The following ATP10A variants were observed in gnomAD, a reference collection of about 807,000 sequenced individuals.
ATP10A encodes ATPase phospholipid transporting 10A (putative).
Under a neutral mutation model 147.8 loss-of-function variants are expected in ATP10A, and 111 were observed. The ratio of observed to expected loss-of-function variants is 0.75; its 90% CI spans 0.64 to 0.88. ATP10A has a LOEUF of 0.88. Among genes scored for constraint, ATP10A ranks in the 40% least tolerant of loss-of-function variants. The pLI is 0.00. For synonymous variants in ATP10A, 875 were observed against 841.6 expected, an observed-to-expected ratio of 1.04 and a Z score of -0.69; for missense variants, 1,927 against 1,959.0, an observed-to-expected ratio of 0.98 and a Z score of 0.31.
At chr15:25,741,297 C>T (rs533433724) in intron 2 of ATP10A, among the ~76,000 whole-genome samples, 1 of 152,256 alleles carries the variant, frequency 6.6e-6, no homozygotes, top group South Asian at 2.1e-4. Context: ...TTCTGGATCA[C>T]CCCAGAACTC....
intron 2 of ATP10A, among the ~76,000 whole-genome samples, chr15:25,757,587 G>A (rs1490317440): frequency 6.6e-6 from 1 of 152,126 alleles, no homozygotes; most frequent in Non-Finnish European, 1.5e-5. Flanking sequence ...GAAAGGAGCA[G>A]TAAATAGGAG....
At position 25,682,521 on chromosome 15, in the gene ATP10A, A is replaced by G. The variant is rs542515777; in HGVS notation, c.3492+765T>C. ...GCCACTTAATTCCACAGGACAGGAC[A>G]CACTCCCAGCGTCTTTGTCCCACAG... On this transcript the variant is annotated intron_variant, in intron 17 of 20. Coordinates refer to ENST00000555815, the MANE Select transcript of ATP10A (RefSeq NM_024490.4). 5.4e-4 allele frequency among the ~76,000 whole-genome samples: 82 copies of G among 152,218 alleles called. 1 individual carries two copies. Among genetic ancestry groups the G allele is most frequent in the African/African-American group, 1.9e-3 (79 of 41,544 alleles).
intron 2 of ATP10A, among the ~76,000 whole-genome samples, chr15:25,754,279 G>A (rs752648587): frequency 2.7e-4 from 41 of 152,058 alleles, no homozygotes; most frequent in African/African-American, 8.0e-4. Flanking sequence ...GACAACAGGC[G>A]CGTGCCACCA....
rs146222264 is a variant in ATP10A at position 25,736,353 on chromosome 15, C to A, written c.655-212G>T. Among the ~76,000 whole-genome samples the A allele has an allele frequency of 5.2e-3, 789 of 152,172 alleles. 1 individual carries two copies. Among genetic ancestry groups the A allele is most frequent in the Middle Eastern group, 0.017 (5 of 294 alleles). ...TTATAACGAGTGACAATTGGGGGAC[C>A]GGTACTGGTTACTGGTTAGTAAGTG... On this transcript the variant is annotated intron_variant, in intron 2 of 20. Transcript: ENST00000555815.
intron 1 of ATP10A, among the ~76,000 whole-genome samples, chr15:25,816,338 A>G (rs1891654009): frequency 6.6e-6 from 1 of 151,928 alleles, no homozygotes; most frequent in Admixed American, 6.6e-5. Context: ...TGCTGGGATT[A>G]CAGATGTAAG....
chr15:25,722,175 G>C (rs1184361129), intron 6 of ATP10A, among the ~76,000 whole-genome samples: 1 of 152,136 alleles, frequency 6.6e-6, no homozygotes, highest in Non-Finnish European at 1.5e-5. Context: ...CCCATGGCTT[G>C]GATAGAAGCA....
chr15:25,777,116 T>TGTGTGTGTGTGC (rs890539071), intron 2 of ATP10A, among the ~76,000 whole-genome samples: 3 of 151,834 alleles, frequency 2.0e-5, no homozygotes, highest in Admixed American at 6.6e-5. Context: ...TGTGTGTGTG[T>TGTGTGTGTGTGC]GTACCCGTTC....
At chr15:25,751,119 T>G (rs1313166271) in intron 2 of ATP10A, among the ~76,000 whole-genome samples, 2 of 152,088 alleles carry the variant, frequency 1.3e-5, no homozygotes, top group East Asian at 1.9e-4. Context: ...AAGATGCAAA[T>G]ATGTTATATA....
At chr15:25,681,849 C>A (rs564144411) in intron 17 of ATP10A, among the ~76,000 whole-genome samples, 1 of 152,178 alleles carries the variant, frequency 6.6e-6, no homozygotes, top group South Asian at 2.1e-4. Context: ...GTCAGGAGAT[C>A]GAGACCATCC....
rs1031210633 is a variant in ATP10A, at chr15:25,863,237, G to A, written c.-141C>T. 1.7e-5 allele frequency: 8 copies of A among 483,966 alleles called. No individual in the cohort carries two copies. Among genetic ancestry groups the A allele is most frequent in the African/African-American group, 2.1e-5 (1 of 47,406 alleles). The allele number at this position is 483,966 out of a possible 1,614,324, so 30.0% of individuals were successfully genotyped here. A position where few individuals can be genotyped will look rare whatever the true frequency, so the allele number is the denominator to read the frequency against. On this transcript the variant is annotated 5_prime_UTR_variant, in exon 1 of 21. Transcript: ENST00000555815. ...GCACGGAGACCGCGGTCAGCGCGCC[G>A]CCTGGCCGGCCCAGCGCGCCCAGCC...
intron 2 of ATP10A, among the ~76,000 whole-genome samples, chr15:25,758,787 TC>T (rs1351314708): frequency 7.8e-6 from 1 of 127,828 alleles, no homozygotes; most frequent in Non-Finnish European, 1.6e-5. Context: ...CCTAACTCAT[TC>T]CGACCACCTG....
intron 4 of ATP10A, among the ~76,000 whole-genome samples, chr15:25,726,929 C>A (rs1006283982): frequency 2.7e-5 from 4 of 148,240 alleles, no homozygotes; most frequent in African/African-American, 4.9e-5. Context: ...GCGTGGCGGG[C>A]GCCTGTAGTC....
chr15:25,725,144 C>T (rs964860111), intron 5 of ATP10A, among the ~76,000 whole-genome samples: 5 of 152,124 alleles, frequency 3.3e-5, no homozygotes, highest in Middle Eastern at 3.2e-3. Context: ...CACAGGAGCA[C>T]GAACCCTATT....
At chr15:25,778,812 C>T (rs1189465070) in intron 2 of ATP10A, among the ~76,000 whole-genome samples, 2 of 152,012 alleles carry the variant, frequency 1.3e-5, no homozygotes, top group African/African-American at 2.4e-5. Context: ...AAAAAGTGGG[C>T]GGGAGAGGAC....
intron 1 of ATP10A, among the ~76,000 whole-genome samples, chr15:25,808,090 C>T (rs1891277017): frequency 6.6e-6 from 1 of 152,196 alleles, no homozygotes; most frequent in African/African-American, 2.4e-5. Flanking sequence ...TCTTTGTTTT[C>T]ATGCTGGACG....
intron 2 of ATP10A, among the ~76,000 whole-genome samples, chr15:25,754,476 C>A (rs905987596): frequency 2.0e-5 from 3 of 152,112 alleles, no homozygotes; most frequent in African/African-American, 7.2e-5. Flanking sequence ...GTTATTACTG[C>A]AGGAGGGCGT....
rs1555470190 is a variant in ATP10A, at chr15:25,789,591, T to TGTGTGTGTGTGTGTGTGTGTGA, written c.450-8369_450-8368insTCACACACACACACACACACAC. 2.6e-5 allele frequency among the ~76,000 whole-genome samples: 4 copies of TGTGTGTGTGTGTGTGTGTGTGA among 151,368 alleles called. No homozygotes were observed. The South Asian group carries it at 6.3e-4, about 24-fold the overall frequency. ...GTGTGTGTGTGTGTGTGTGTGTGTG[T>TGTGTGTGTGTGTGTGTGTGTGA]GACAGAGACAGAGAGAAAATAATTT... On this transcript the variant is annotated intron_variant, in intron 1 of 20. Transcript: ENST00000555815.
At chr15:25,673,300 C>G (rs527400699), downstream of ATP10A, among the ~76,000 whole-genome samples, 1 of 152,306 alleles carries the variant, frequency 6.6e-6, no homozygotes, top group Admixed American at 6.5e-5. Flanking sequence ...CTGTCATGGA[C>G]ACTCCTTGGC....
rs552848676 is a variant in ATP10A, at chr15:25,749,457, C to T, written c.655-13316G>A. Among the ~76,000 whole-genome samples, 19 of 152,284 alleles carry T rather than the reference C, an allele frequency of 1.2e-4. No individual in the cohort carries two copies. The South Asian group carries it at 3.7e-3, about 30-fold the overall frequency. On this transcript the variant is annotated intron_variant, in intron 2 of 20. Transcript: ENST00000555815. ...GCACTGCTAGGGAACTTAGGAAAGT[C>T]TTGCCTCAGGAGTGGAGAACAATTA... is the stretch of plus-strand genomic sequence containing the variant.
Sources: gnomAD v4.1 joint callset for allele counts (sites outside exome capture counted in the v4.1 genomes callset) on GRCh38, gnomAD v4.1.1 for gene constraint, MANE v1.5 for transcripts, NCBI Gene and HGNC (gene_info 2026-07-23, HGNC 2026-07-21) for gene names.